The following MAST4 variants were observed in gnomAD, a reference collection of about 807,000 sequenced individuals.
MAST4 encodes the protein microtubule-associated serine/threonine-protein kinase 4.
In MAST4, 89 loss-of-function variants were observed where a neutral mutation model predicts 162.7. That is an observed-to-expected ratio of 0.55 (90% CI 0.46 to 0.65). MAST4 has a LOEUF of 0.65. MAST4 is among the 30% of genes least tolerant of loss of function. The pLI, the probability that MAST4 is intolerant of heterozygous loss-of-function variation, is 0.00. For synonymous variants in MAST4, 1,479 were observed against 1,361.1 expected (o/e 1.09, Z -1.91); for missense variants, 3,153 against 3,374.0 (o/e 0.93, Z 1.62).
intron 1 of MAST4, among the ~76,000 whole-genome samples, chr5:66,661,152 T>C (rs1279090618): frequency 6.6e-6 from 1 of 152,188 alleles, no homozygotes; most frequent in Non-Finnish European, 1.5e-5. Flanking sequence ...GGCTTTACCC[T>C]AATAGAGGTT....
At chr5:66,637,110 A>C (rs1340529286) in intron 1 of MAST4, among the ~76,000 whole-genome samples, 1 of 152,216 alleles carries the variant, frequency 6.6e-6, no homozygotes, top group African/African-American at 2.4e-5. Flanking sequence ...TGATTTAGCA[A>C]TCTAGTTTTT....
At chr5:66,678,534 C>T (rs1276847207) in intron 1 of MAST4, among the ~76,000 whole-genome samples, 5 of 150,564 alleles carry the variant, frequency 3.3e-5, no homozygotes, top group South Asian at 2.1e-4. Flanking sequence ...CTTGTTCTGT[C>T]GCCAGGCTGG....
chr5:67,116,203 TG>T, intron 12 of MAST4, among the ~76,000 whole-genome samples: 1 of 152,036 alleles, frequency 6.6e-6, no homozygotes, highest in South Asian at 2.1e-4. Flanking sequence ...TTTGTTTGTT[TG>T]TTTGTTTTGT....
intron 4 of MAST4, among the ~76,000 whole-genome samples, chr5:66,974,432 G>T (rs553467088): frequency 1.3e-5 from 2 of 152,320 alleles, no homozygotes; most frequent in Non-Finnish European, 2.9e-5. Context: ...AGATGAATCA[G>T]ACTGACTGCA....
intron 26 of MAST4, 84 bp downstream of exon 26, chr5:67,153,664 C>T: frequency 7.7e-7 from 1 of 1,292,622 alleles, no homozygotes; most frequent in Non-Finnish European, 1.0e-6. Flanking sequence ...TTCCCTGTGT[C>T]ACACCCATGT....
At chr5:66,735,288 A>G (rs750377074) in intron 1 of MAST4, among the ~76,000 whole-genome samples, 3 of 152,238 alleles carry the variant, frequency 2.0e-5, no homozygotes, top group Non-Finnish European at 4.4e-5. Flanking sequence ...CAGTATAAGG[A>G]TGAGGTTAAA....
intron 4 of MAST4, among the ~76,000 whole-genome samples, chr5:67,032,426 T>G (rs765513777): frequency 1.9e-4 from 29 of 152,166 alleles, no homozygotes; most frequent in South Asian, 4.1e-4. Flanking sequence ...TCAGCAAGGT[T>G]TAATTAAGCA....
intron 3 of MAST4, among the ~76,000 whole-genome samples, chr5:66,849,815 A>C (rs996206506): frequency 1.3e-5 from 2 of 152,198 alleles, no homozygotes; most frequent in Non-Finnish European, 2.9e-5. Flanking sequence ...GAGCTGTTCC[A>C]TTAGGAATCT....
intron 4 of MAST4, among the ~76,000 whole-genome samples, chr5:67,006,806 C>T (rs951366664): frequency 6.6e-6 from 1 of 152,096 alleles, no homozygotes; most frequent in Admixed American, 6.5e-5. Flanking sequence ...TGACAGAGAG[C>T]CTAGATTCTA....
chr5:66,671,932 A>G (rs35746948), intron 1 of MAST4, among the ~76,000 whole-genome samples: 16,598 of 152,274 alleles, frequency 0.11, 1,011 homozygotes, highest in East Asian at 0.27. Flanking sequence ...TTAATTTTTA[A>G]AAGCATCTTG....
intron 4 of MAST4, among the ~76,000 whole-genome samples, chr5:66,970,734 G>A (rs1747329505): frequency 6.6e-6 from 1 of 152,244 alleles, no homozygotes; most frequent in Non-Finnish European, 1.5e-5. Flanking sequence ...ATGGGAGCTT[G>A]CTACATGCCT....
intron 1 of MAST4, among the ~76,000 whole-genome samples, chr5:66,640,449 A>G (rs1050528902): frequency 3.3e-5 from 5 of 152,044 alleles, no homozygotes; most frequent in Non-Finnish European, 2.9e-5. Context: ...CTGGGACTAC[A>G]GGCACCCGCC....
At chr5:66,697,411 T>C (rs1749477984) in intron 1 of MAST4, among the ~76,000 whole-genome samples, 1 of 152,256 alleles carries the variant, frequency 6.6e-6, no homozygotes, top group Admixed American at 6.5e-5. Context: ...TTCATTGATA[T>C]GGTTTGAAAT....
Position 67,165,943 on chromosome 5 carries a change from G to T in MAST4, c.6764G>T (p.Gly2255Val), listed in dbSNP as rs762496607. ...CCGGATGTGTTTCCTGCTACCCCAG[G>T]CTCCCAGAACAAAGCCAGCGATGGG... ...SGPDVFPATP[G>V]SQNKASDGIG... is the part of the protein sequence containing the mutation. The change falls in exon 29 of 29, where the codon GGC (glycine) becomes GTC (valine). Residue 2255 changes from glycine to valine, a missense_variant. By Grantham distance (109) the Gly-to-Val change is moderately radical (BLOSUM62 -3). Transcript: ENST00000403625. 1.2e-6 allele frequency: 2 copies of T among 1,613,306 alleles called. No individual in the cohort carries two copies. The highest frequency in any genetic ancestry group is 4.5e-5 in the East Asian group (2 of 44,884).
intron 2 of MAST4, among the ~76,000 whole-genome samples, chr5:66,773,457 T>C (rs1302740964): frequency 6.6e-6 from 1 of 152,212 alleles, no homozygotes; most frequent in Non-Finnish European, 1.5e-5. Context: ...ATTTAACTCA[T>C]TGCTGACTTG....
intron 3 of MAST4, among the ~76,000 whole-genome samples, chr5:66,857,369 C>T (rs189530641): frequency 6.6e-6 from 1 of 152,156 alleles, no homozygotes; most frequent in African/African-American, 2.4e-5. Flanking sequence ...AGTGGACATC[C>T]ATGTGTGGAT....
chr5:67,016,013 A>G (rs935167176), intron 4 of MAST4, among the ~76,000 whole-genome samples: 1 of 152,198 alleles, frequency 6.6e-6, no homozygotes, highest in African/African-American at 2.4e-5. Context: ...GGCTATGATT[A>G]TCACCTGGGA....
chr5:66,785,296 G>A (rs962421252), intron 2 of MAST4, among the ~76,000 whole-genome samples: 1 of 152,142 alleles, frequency 6.6e-6, no homozygotes, highest in Non-Finnish European at 1.5e-5. Flanking sequence ...CAAGCCTGTG[G>A]TTTGAATCAC....
intron 3 of MAST4, among the ~76,000 whole-genome samples, chr5:66,849,978 C>A (rs2149809474): frequency 6.6e-6 from 1 of 152,220 alleles, no homozygotes; most frequent in African/African-American, 2.4e-5. Context: ...AGGCATGAGG[C>A]AATTATTTAT....
Sources: allele counts gnomAD v4.1 joint callset (sites outside exome capture counted in the v4.1 genomes callset), GRCh38; gene constraint gnomAD v4.1.1; transcripts MANE v1.5; gene names NCBI Gene and HGNC (gene_info 2026-07-23, HGNC 2026-07-21).